AGBL1: variants seen among roughly 807,000 people sequenced by gnomAD.
The protein encoded by AGBL1 is cytosolic carboxypeptidase 4.
In AGBL1, 130 loss-of-function variants were observed where a neutral mutation model predicts 118.9. The ratio of observed to expected loss-of-function variants is 1.09; its 90% CI spans 0.95 to 1.26. AGBL1 has a LOEUF of 1.26. Among genes scored for constraint, AGBL1 ranks in the 50% most tolerant of loss-of-function variants. The pLI, the probability that AGBL1 is intolerant of heterozygous loss-of-function variation, is 0.00. For missense variants in AGBL1, 1,584 were observed against 1,298.1 expected, an observed-to-expected ratio of 1.22 and a Z score of -3.38; for synonymous variants, 555 against 478.9, an observed-to-expected ratio of 1.16 and a Z score of -2.08.
Position 86,615,527 on chromosome 15 carries a change from A to G in AGBL1, c.2995-58746A>G, listed in dbSNP as rs2142399070. ...GGAAATGAAAAATATTCCTTGTGCT[A>G]TGCTGAACCTGAGAAGGCCACACGC... On this transcript the variant is annotated intron_variant, in intron 21 of 22. Coordinates refer to ENST00000614907, the MANE Select transcript of AGBL1 (RefSeq NM_001386094.1). This position sits in a 1 kb window ranked among gnomAD's most constrained non-coding sequence, Gnocchi z 4.3. Among the ~76,000 whole-genome samples, 1 of 152,358 alleles carries G rather than the reference A, an allele frequency of 6.6e-6. No homozygotes were observed. Among genetic ancestry groups the G allele is most frequent in the East Asian group, 1.9e-4 (1 of 5,184 alleles).
intron 22 of AGBL1, among the ~76,000 whole-genome samples, chr15:86,755,310 C>G (rs1033931692): frequency 6.6e-6 from 1 of 152,054 alleles, no homozygotes. Flanking sequence ...TGTGGAAATT[C>G]TATTCTATAC....
chr15:87,008,039 A>T (rs371985622), intron 24 of AGBL1, among the ~76,000 whole-genome samples: 2 of 152,218 alleles, frequency 1.3e-5, no homozygotes, highest in South Asian at 4.1e-4. Context: ...GGAAGGTGTG[A>T]TGGTTAGTTT....
chr15:86,442,471 A>G (rs1420013076), intron 18 of AGBL1, among the ~76,000 whole-genome samples: 2 of 152,190 alleles, frequency 1.3e-5, no homozygotes, highest in African/African-American at 4.8e-5. Context: ...TTTCATTGGG[A>G]ATGTCAACCC....
At chr15:86,366,771 G>A (rs1205076469) in intron 17 of AGBL1, among the ~76,000 whole-genome samples, 2 of 152,204 alleles carry the variant, frequency 1.3e-5, no homozygotes, top group Non-Finnish European at 2.9e-5. Flanking sequence ...CAGAGGTGCA[G>A]TCTCAGCTCT....
intron 5 of AGBL1, among the ~76,000 whole-genome samples, chr15:86,192,302 C>A (rs1241205195): frequency 6.7e-6 from 1 of 148,654 alleles, no homozygotes; most frequent in East Asian, 2.0e-4. Flanking sequence ...TATAATGGAG[C>A]ATTTTATTAT....
intron 17 of AGBL1, among the ~76,000 whole-genome samples, chr15:86,332,372 C>T (rs763600487): frequency 9.2e-5 from 14 of 152,200 alleles, no homozygotes; most frequent in Non-Finnish European, 1.8e-4. Context: ...CCGGGCCAGG[C>T]GCAGTGGCTC....
At chr15:86,676,872 G>A (rs2085858080) in intron 22 of AGBL1, among the ~76,000 whole-genome samples, 2 of 152,172 alleles carry the variant, frequency 1.3e-5, no homozygotes, top group Non-Finnish European at 2.9e-5. Flanking sequence ...GGAGGCTGAG[G>A]CGGGTGGATC....
Position 86,852,522 on chromosome 15 carries a change from C to G in AGBL1, c.3159-54565C>G, listed in dbSNP as rs549647974. On this transcript the variant is annotated intron_variant, in intron 22 of 22. Transcript: ENST00000614907. ...CTATTCTGATCCACCTGCAAGCCCC[C>G]AGACACTATATAGATTATGTGACTT... Among the ~76,000 whole-genome samples the G allele has an allele frequency of 2.0e-5, 3 of 152,338 alleles. No individual in the cohort carries two copies. In the South Asian group the frequency reaches 6.2e-4, roughly 32 times the overall value.
Position 86,615,304 on chromosome 15 carries a change from G to C in AGBL1, c.2995-58969G>C, listed in dbSNP as rs767614558. Among the ~76,000 whole-genome samples the C allele has an allele frequency of 5.3e-5, 8 of 152,170 alleles. No homozygotes were observed. The highest frequency in any genetic ancestry group is 1.9e-4 in the African/African-American group (8 of 41,440). On this transcript the variant is annotated intron_variant, in intron 21 of 22. Transcript: ENST00000614907. This position sits in a 1 kb window ranked among gnomAD's most constrained non-coding sequence, Gnocchi z 4.3. ...ACCAGCCTAGGAAAAGATGTGATGA[G>C]GGACTGTGGTAAAGACTAGAGTGGA...
intron 22 of AGBL1, among the ~76,000 whole-genome samples, chr15:86,743,551 T>C (rs567398245): frequency 2.6e-4 from 40 of 152,200 alleles, no homozygotes; most frequent in African/African-American, 9.4e-4. Flanking sequence ...TTACATACAC[T>C]GGGGAGCGTT....
rs187637075 is a variant in AGBL1 at position 86,211,372 on chromosome 15, G to A, written c.489-13542G>A. ...TGGAAGAACCACCGCTCTCTTCAGA[G>A]CTGTCAGACAGGGACATTTAAGTCT... On this transcript the variant is annotated intron_variant, in intron 5 of 22. Coordinates refer to ENST00000614907, the MANE Select transcript of AGBL1 (RefSeq NM_001386094.1). Among the ~76,000 whole-genome samples the A allele has an allele frequency of 4.3e-3, 660 of 152,340 alleles. 5 individuals carry two copies. Among genetic ancestry groups the A allele is most frequent in the African/African-American group, 0.015 (633 of 41,592 alleles).
At chr15:86,452,607 C>T (rs1346609007) in intron 18 of AGBL1, among the ~76,000 whole-genome samples, 1 of 152,138 alleles carries the variant, frequency 6.6e-6, no homozygotes, top group Non-Finnish European at 1.5e-5. Context: ...CATCCTAGTG[C>T]ACAGAGAAAG....
chr15:86,196,456 T>G (rs78744866), intron 5 of AGBL1, among the ~76,000 whole-genome samples: 1 of 152,152 alleles, frequency 6.6e-6, no homozygotes, highest in Non-Finnish European at 1.5e-5. Flanking sequence ...AATCCCCAAA[T>G]GTACTGTTTC....
At chr15:86,255,458 G>T (rs1002195433) in intron 7 of AGBL1, among the ~76,000 whole-genome samples, 1 of 152,172 alleles carries the variant, frequency 6.6e-6, no homozygotes, top group Non-Finnish European at 1.5e-5. Context: ...GAGCACTCTT[G>T]ATTGCATTAA....
At chr15:86,377,223 A>C (rs980007353) in intron 17 of AGBL1, among the ~76,000 whole-genome samples, 1 of 152,242 alleles carries the variant, frequency 6.6e-6, no homozygotes, top group African/African-American at 2.4e-5. Flanking sequence ...TTTAAAAATC[A>C]CAAATCTATT....
At chr15:86,587,151 C>T (rs1340945816) in intron 21 of AGBL1, among the ~76,000 whole-genome samples, 2 of 152,176 alleles carry the variant, frequency 1.3e-5, no homozygotes, top group Admixed American at 6.6e-5. Context: ...AGCTTACTCC[C>T]ACCATGAGCT....
intron 22 of AGBL1, among the ~76,000 whole-genome samples, chr15:86,706,547 G>T (rs556101502): frequency 2.9e-4 from 44 of 152,170 alleles, no homozygotes; most frequent in Admixed American, 8.5e-4. Context: ...ATTTAAGTTT[G>T]CTTTGTAAAA....
At chr15:87,024,679 C>T (rs1305621869) in intron 24 of AGBL1, among the ~76,000 whole-genome samples, 1 of 151,334 alleles carries the variant, frequency 6.6e-6, no homozygotes, top group Non-Finnish European at 1.5e-5. Context: ...AGGATCTAGC[C>T]CAAAAAGAAA....
chr15:86,690,087 A>G (rs74025430), intron 22 of AGBL1, among the ~76,000 whole-genome samples: 5,055 of 152,248 alleles, frequency 0.033, 298 homozygotes, highest in African/African-American at 0.12. Context: ...AGCCACAGAA[A>G]TGGAAATGGG....
Sources: gnomAD v4.1 joint callset for allele counts (sites outside exome capture counted in the v4.1 genomes callset) on GRCh38, gnomAD v4.1.1 for gene constraint, Gnocchi (gnomAD v3.1) non-coding constraint, MANE v1.5 for transcripts, NCBI Gene and HGNC (gene_info 2026-07-23, HGNC 2026-07-21) for gene names.